Variants in SAMD12 observed in about 807,000 individuals in gnomAD.
SAMD12 encodes sterile alpha motif domain containing 12, also known as sterile alpha motif domain-containing protein 12.
In SAMD12, 9 loss-of-function variants were observed where a neutral mutation model predicts 15.0. The ratio of observed to expected loss-of-function variants is 0.60; its 90% CI spans 0.36 to 1.05. SAMD12 has a LOEUF of 1.05. Among genes scored for constraint, SAMD12 ranks in the 50% least tolerant of loss-of-function variants. The pLI is 0.01. For missense variants in SAMD12, 230 were observed against 234.2 expected, an observed-to-expected ratio of 0.98 and a Z score of 0.12; for synonymous variants, 86 against 90.1, an observed-to-expected ratio of 0.96 and a Z score of 0.25.
intron 2 of SAMD12, among the ~76,000 whole-genome samples, chr8:118,523,529 C>G (rs1400555956): frequency 6.6e-6 from 1 of 152,108 alleles, no homozygotes; most frequent in African/African-American, 2.4e-5. Context: ...GAATACTTTC[C>G]TCTCTCGCAC....
At chr8:118,341,204 C>T (rs1324829063) in intron 4 of SAMD12, among the ~76,000 whole-genome samples, 2 of 152,150 alleles carry the variant, frequency 1.3e-5, no homozygotes, top group Non-Finnish European at 1.5e-5. Flanking sequence ...GCATGGTGGT[C>T]TCAGGGTAGC....
intron 3 of SAMD12, among the ~76,000 whole-genome samples, chr8:118,416,908 G>GTT (rs34411266): frequency 1.3e-5 from 2 of 151,346 alleles, no homozygotes; most frequent in African/African-American, 4.9e-5. Flanking sequence ...ATTCCAGAGG[G>GTT]TTTTTTTTTC....
chr8:118,230,975 A>G (rs1331845716), intron 4 of SAMD12, among the ~76,000 whole-genome samples: 2 of 152,142 alleles, frequency 1.3e-5, no homozygotes. Flanking sequence ...TAAAAAGATA[A>G]TCTTAGGTTC....
intron 2 of SAMD12, among the ~76,000 whole-genome samples, chr8:118,457,557 C>T (rs936851264): frequency 3.3e-5 from 5 of 152,076 alleles, no homozygotes; most frequent in Admixed American, 6.6e-5. Flanking sequence ...AATATTATGT[C>T]GGCAGCTACT....
intron 4 of SAMD12, among the ~76,000 whole-genome samples, chr8:118,293,673 C>T (rs1262092633): frequency 6.6e-6 from 1 of 152,110 alleles, no homozygotes. Context: ...TTGCTAGAAG[C>T]CAGCTGAAGA....
At chr8:118,285,731 C>A (rs191539484) in intron 4 of SAMD12, among the ~76,000 whole-genome samples, 1 of 152,182 alleles carries the variant, frequency 6.6e-6, no homozygotes, top group Non-Finnish European at 1.5e-5. Flanking sequence ...TTAGCAATCT[C>A]ATGGAGCTAT....
At chr8:118,480,234 A>G (rs1824087865) in intron 2 of SAMD12, among the ~76,000 whole-genome samples, 1 of 152,212 alleles carries the variant, frequency 6.6e-6, no homozygotes, top group Admixed American at 6.5e-5. Context: ...GTGGGTGACC[A>G]CAGTATGGTG....
intron 4 of SAMD12, among the ~76,000 whole-genome samples, chr8:118,247,599 T>G (rs569418175): frequency 3.6e-4 from 54 of 151,970 alleles, no homozygotes; most frequent in African/African-American, 1.2e-3. Flanking sequence ...ATTTATTTAT[T>G]TTTATTTTTT....
At chr8:118,479,749 C>G (rs544908232) in intron 2 of SAMD12, among the ~76,000 whole-genome samples, 6 of 150,818 alleles carry the variant, frequency 4.0e-5, no homozygotes, top group Non-Finnish European at 7.4e-5. Flanking sequence ...CAATCCTTCC[C>G]TTACTCTTTC....
intron 4 of SAMD12, among the ~76,000 whole-genome samples, chr8:118,362,091 G>T (rs762916742): frequency 4.6e-5 from 7 of 151,990 alleles, no homozygotes; most frequent in Non-Finnish European, 1.0e-4. Flanking sequence ...GCACTTTGGT[G>T]GGGGTGGGGA....
chr8:118,404,777 C>T (rs1393055488), intron 3 of SAMD12, among the ~76,000 whole-genome samples: 4 of 152,158 alleles, frequency 2.6e-5, no homozygotes, highest in African/African-American at 9.7e-5. Context: ...AGAGAAATAT[C>T]AGCTCTACAA....
chr8:118,359,588 C>T (rs73325650), intron 4 of SAMD12, among the ~76,000 whole-genome samples: 2,519 of 152,248 alleles, frequency 0.017, 56 homozygotes, highest in African/African-American at 0.055. Flanking sequence ...CTAAGAGCAT[C>T]GCGCTCCTGG....
At chr8:118,210,847 C>T (rs1439967546) in intron 4 of SAMD12, among the ~76,000 whole-genome samples, 2 of 152,186 alleles carry the variant, frequency 1.3e-5, no homozygotes, top group Non-Finnish European at 2.9e-5. Context: ...CTCTCAAAGC[C>T]TATCTCTCCC....
intron 3 of SAMD12, among the ~76,000 whole-genome samples, chr8:118,436,277 C>CA (rs1400022104): frequency 6.6e-6 from 1 of 152,146 alleles, no homozygotes; most frequent in Non-Finnish European, 1.5e-5. Flanking sequence ...AAGCTAGGCC[C>CA]TTCACATTCA....
intron 2 of SAMD12, among the ~76,000 whole-genome samples, chr8:118,479,083 G>C (rs1402634335): frequency 6.6e-6 from 1 of 151,990 alleles, no homozygotes; most frequent in Admixed American, 6.5e-5. Context: ...CAAAATAAAA[G>C]TCAAGTCCTT....
At chr8:118,191,755 A>ATTATATTTAT (rs1222293487) in exon 5 of SAMD12, 8 of 34,126 alleles carry the variant, frequency 2.3e-4, no homozygotes, top group Non-Finnish European at 4.5e-4. Flanking sequence ...AATACTGGAG[A>ATTATATTTAT]TTATATATAT....
chr8:118,143,326 T>A, the SAMD12 span, among the ~76,000 whole-genome samples: 1 of 152,282 alleles, frequency 6.6e-6, no homozygotes, highest in Non-Finnish European at 1.5e-5. Flanking sequence ...TTTGCACAAA[T>A]GTAAAAAAAA....
intron 4 of SAMD12, among the ~76,000 whole-genome samples, chr8:118,352,431 C>T (rs1158489661): frequency 1.3e-5 from 2 of 151,990 alleles, no homozygotes; most frequent in Non-Finnish European, 2.9e-5. Context: ...TACAAGAGCA[C>T]ACACAACTGG....
chr8:118,140,905 G>A, the SAMD12 span, among the ~76,000 whole-genome samples: 2 of 152,182 alleles, frequency 1.3e-5, no homozygotes, highest in East Asian at 1.9e-4. Context: ...GTCATTAGGA[G>A]CCTACCCCTG....
Sources: allele counts gnomAD v4.1 joint callset (sites outside exome capture counted in the v4.1 genomes callset), GRCh38; gene constraint gnomAD v4.1.1; transcripts MANE v1.5; gene names NCBI Gene and HGNC (gene_info 2026-07-23, HGNC 2026-07-21).